The following EXOC6B variants were observed in gnomAD, a reference collection of about 807,000 sequenced individuals.
The protein encoded by EXOC6B is SEC15 homolog B.
A neutral mutation model predicts 113.5 loss-of-function variants in EXOC6B; 54 were observed. That is an observed-to-expected ratio of 0.48 (90% confidence interval 0.38 to 0.60). The LOEUF is 0.60. Among genes scored for constraint, EXOC6B ranks in the 20% least tolerant of loss-of-function variants. The probability of loss-of-function intolerance (pLI) is 0.00; values close to 1 mark genes in which losing one functional copy is unlikely to be tolerated. For synonymous variants in EXOC6B, 357 were observed against 339.0 expected, an observed-to-expected ratio of 1.05 and a Z score of -0.58; for missense variants, 797 against 977.5, an observed-to-expected ratio of 0.82 and a Z score of 2.46.
In EXOC6B at chr2:72,177,104, G is replaced by A. The variant is rs1021185388; in HGVS notation, c.*2231C>T. 2 of 152,138 alleles carry A rather than the reference G, an allele frequency of 1.3e-5. No homozygotes were observed. Among genetic ancestry groups the A allele is most frequent in the Non-Finnish European group, 2.9e-5 (2 of 68,032 alleles). The allele number at this position is 152,138 out of a possible 1,614,324, so 9.4% of individuals were successfully genotyped here. On this transcript the variant is annotated 3_prime_UTR_variant, in exon 22 of 22. Coordinates refer to ENST00000272427, the MANE Select transcript of EXOC6B (RefSeq NM_015189.3). ...GTTAGATAAGGTGAAGGCAGACTAA[G>A]AATGGAGAGAAGATATATCAAAGGG...
chr2:72,824,196 G>A (rs1686764175), intron 1 of EXOC6B, among the ~76,000 whole-genome samples: 1 of 151,970 alleles, frequency 6.6e-6, no homozygotes, highest in African/African-American at 2.4e-5. Context: ...GACCAGCCTG[G>A]GCAACATGGC....
intron 16 of EXOC6B, among the ~76,000 whole-genome samples, chr2:72,484,143 T>A (rs1235138448): frequency 7.4e-6 from 1 of 135,230 alleles, no homozygotes. Context: ...AGGTAATTTC[T>A]TTTTTTTTTT....
intron 5 of EXOC6B, among the ~76,000 whole-genome samples, chr2:72,720,417 T>G (rs1679918230): frequency 6.6e-6 from 1 of 151,918 alleles, no homozygotes; most frequent in African/African-American, 2.4e-5. Context: ...ACAAATAGGT[T>G]GAAAGTAAAA....
At chr2:72,465,564 G>A (rs1283657893) in intron 17 of EXOC6B, among the ~76,000 whole-genome samples, 2 of 152,104 alleles carry the variant, frequency 1.3e-5, no homozygotes, top group African/African-American at 4.8e-5. Flanking sequence ...AATGAAAGCA[G>A]AATGCCCAGA....
chr2:72,407,406 T>C (rs963764964), intron 18 of EXOC6B, among the ~76,000 whole-genome samples: 6 of 151,844 alleles, frequency 4.0e-5, no homozygotes, highest in East Asian at 1.9e-4. Flanking sequence ...GGCAGAGACA[T>C]AACAAAAAAA....
chr2:72,200,278 C>T (rs1003472451), intron 20 of EXOC6B, among the ~76,000 whole-genome samples: 1 of 152,206 alleles, frequency 6.6e-6, no homozygotes, highest in African/African-American at 2.4e-5. Flanking sequence ...CCTTGCAACT[C>T]AGGATTCCTT....
At chr2:72,652,145 T>A (rs1299930207) in intron 6 of EXOC6B, among the ~76,000 whole-genome samples, 1 of 150,958 alleles carries the variant, frequency 6.6e-6, no homozygotes, top group Non-Finnish European at 1.5e-5. Flanking sequence ...AATTACGACA[T>A]ATAATGTATT....
At chr2:72,209,345 A>C (rs1680042982) in intron 20 of EXOC6B, among the ~76,000 whole-genome samples, 1 of 152,118 alleles carries the variant, frequency 6.6e-6, no homozygotes, top group Non-Finnish European at 1.5e-5. Context: ...TGAACAAGTA[A>C]AAGTCCCTTA....
chr2:72,586,669 T>C (rs1345556023), intron 6 of EXOC6B, among the ~76,000 whole-genome samples: 3 of 152,020 alleles, frequency 2.0e-5, no homozygotes, highest in Non-Finnish European at 4.4e-5. Context: ...GGAGAATGGC[T>C]TGAACCTGGG....
At chr2:72,277,756 A>T (rs994496700) in intron 20 of EXOC6B, among the ~76,000 whole-genome samples, 11 of 152,084 alleles carry the variant, frequency 7.2e-5, no homozygotes, top group Non-Finnish European at 1.5e-4. Flanking sequence ...AGCCTCCCAA[A>T]GTGCTGGGAT....
intron 6 of EXOC6B, among the ~76,000 whole-genome samples, chr2:72,700,738 C>A (rs1285167834): frequency 6.6e-6 from 1 of 152,170 alleles, no homozygotes; most frequent in East Asian, 1.9e-4. Flanking sequence ...CCGAAGCAGG[C>A]AGATCACCTG....
chr2:72,387,265 T>G (rs1033385057), intron 18 of EXOC6B, among the ~76,000 whole-genome samples: 1 of 152,152 alleles, frequency 6.6e-6, no homozygotes, highest in Non-Finnish European at 1.5e-5. Flanking sequence ...TTTGAGTCCG[T>G]GTTTATGCAG....
At chr2:72,413,407 G>T (rs1027949737) in intron 18 of EXOC6B, among the ~76,000 whole-genome samples, 3 of 151,004 alleles carry the variant, frequency 2.0e-5, no homozygotes, top group African/African-American at 7.3e-5. Context: ...GATGGGGTCG[G>T]CCAGGCACTG....
At chr2:72,553,473 A>G (rs1703353581) in intron 8 of EXOC6B, among the ~76,000 whole-genome samples, 1 of 152,070 alleles carries the variant, frequency 6.6e-6, no homozygotes, top group Admixed American at 6.5e-5. Context: ...AAAAATAAAG[A>G]TCTATAAATA....
intron 6 of EXOC6B, among the ~76,000 whole-genome samples, chr2:72,709,265 G>C (rs914997616): frequency 1.3e-5 from 2 of 151,802 alleles, no homozygotes; most frequent in Non-Finnish European, 2.9e-5. Context: ...ATTTTGATGG[G>C]GTTTTCACGC....
At chr2:72,286,893 GA>G (rs1685465761) in intron 20 of EXOC6B, among the ~76,000 whole-genome samples, 1 of 152,098 alleles carries the variant, frequency 6.6e-6, no homozygotes, top group Non-Finnish European at 1.5e-5. Flanking sequence ...CATGTTTCAA[GA>G]AGAAATTAAA....
chr2:72,780,920 A>G (rs1215349929), intron 1 of EXOC6B, among the ~76,000 whole-genome samples: 1 of 152,152 alleles, frequency 6.6e-6, no homozygotes, highest in Non-Finnish European at 1.5e-5. Context: ...TAATTGTTAC[A>G]CTAAGGAAAA....
At chr2:72,525,388 CA>C (rs1372746346) in intron 8 of EXOC6B, among the ~76,000 whole-genome samples, 1 of 152,112 alleles carries the variant, frequency 6.6e-6, no homozygotes, top group Non-Finnish European at 1.5e-5. Context: ...AGATGATAAA[CA>C]GTTGTAACTT....
chr2:72,259,077 A>G (rs1265650167), intron 20 of EXOC6B, among the ~76,000 whole-genome samples: 1 of 152,214 alleles, frequency 6.6e-6, no homozygotes, highest in Non-Finnish European at 1.5e-5. Context: ...GATGAAATGC[A>G]CAAATCTTAG....
Sources: allele counts gnomAD v4.1 joint callset (sites outside exome capture counted in the v4.1 genomes callset), GRCh38; gene constraint gnomAD v4.1.1; transcripts MANE v1.5; gene names NCBI Gene and HGNC (gene_info 2026-07-23, HGNC 2026-07-21).